The following LCLAT1 variants were observed in gnomAD, a reference collection of about 807,000 sequenced individuals.
LCLAT1 encodes the protein lysocardiolipin acyltransferase 1.
Under a neutral mutation model 30.7 loss-of-function variants are expected in LCLAT1, and 11 were observed. The observed-to-expected ratio is 0.36, with a 90% CI of 0.23 to 0.59. LCLAT1 has a LOEUF of 0.59. Ranked by LOEUF, LCLAT1 falls within the 20% of genes least tolerant of loss-of-function variation. The pLI, the probability that LCLAT1 is intolerant of heterozygous loss-of-function variation, is 0.77. For missense variants in LCLAT1, 402 were observed against 458.6 expected, an observed-to-expected ratio of 0.88 and a Z score of 1.13; for synonymous variants, 155 against 151.3, an observed-to-expected ratio of 1.02 and a Z score of -0.18.
intron 2 of LCLAT1, among the ~76,000 whole-genome samples, chr2:30,527,306 A>G (rs116405968): frequency 0.013 from 2,031 of 152,332 alleles, 45 homozygotes; most frequent in African/African-American, 0.045. Flanking sequence ...TGGATTCAGA[A>G]TTGTATATCT....
In LCLAT1 at chr2:30,642,026, A is replaced by G. The variant is rs1449825721; in HGVS notation, c.*1407A>G. The G allele has an allele frequency of 6.6e-6, 1 of 152,074 alleles. No homozygotes were observed. Among genetic ancestry groups the G allele is most frequent in the Non-Finnish European group, 1.5e-5 (1 of 68,022 alleles). The allele number at this position is 152,074 out of a possible 1,614,324, so 9.4% of individuals were successfully genotyped here. A position where few individuals can be genotyped will look rare whatever the true frequency, so the allele number is the denominator to read the frequency against. On this transcript the variant is annotated 3_prime_UTR_variant, in exon 6 of 6. Transcript: ENST00000379509. ...TTTACTTCTGCATTGAACCAGCCTC[A>G]GAAGCTACTTACTGCTTTATGTACT...
At chr2:30,574,663 C>T (rs1051389101) in intron 5 of LCLAT1, among the ~76,000 whole-genome samples, 3 of 151,172 alleles carry the variant, frequency 2.0e-5, no homozygotes, top group African/African-American at 7.3e-5. Flanking sequence ...GACTGCATGT[C>T]CTTCAGACGA....
chr2:30,522,169 G>A (rs1685508310), intron 1 of LCLAT1, among the ~76,000 whole-genome samples: 1 of 152,110 alleles, frequency 6.6e-6, no homozygotes, highest in South Asian at 2.1e-4. Context: ...TTACGTATAG[G>A]TTTTTGTGTG....
chr2:30,558,172 G>A (rs770779575), intron 3 of LCLAT1, among the ~76,000 whole-genome samples: 9 of 152,172 alleles, frequency 5.9e-5, no homozygotes, highest in Admixed American at 1.3e-4. Context: ...GTATGTGTGT[G>A]TGTCTGTGTT....
At chr2:30,543,450 T>C (rs1238477390) in intron 3 of LCLAT1, among the ~76,000 whole-genome samples, 2 of 152,166 alleles carry the variant, frequency 1.3e-5, no homozygotes, top group East Asian at 1.9e-4. Flanking sequence ...TAAAATGAGA[T>C]GGTCAGTGTT....
intron 5 of LCLAT1, among the ~76,000 whole-genome samples, chr2:30,633,032 AT>A (rs1228752815): frequency 6.6e-6 from 1 of 152,198 alleles, no homozygotes; most frequent in East Asian, 1.9e-4. Context: ...TTTAGTCTAA[AT>A]ATATCTGAAT....
At chr2:30,538,526 T>C (rs1294424184) in intron 3 of LCLAT1, among the ~76,000 whole-genome samples, 2 of 151,914 alleles carry the variant, frequency 1.3e-5, no homozygotes, top group Non-Finnish European at 2.9e-5. Context: ...TCCCAGCTCC[T>C]TGGGAGGCTG....
intron 1 of LCLAT1, among the ~76,000 whole-genome samples, chr2:30,494,419 G>A (rs1683991422): frequency 6.6e-6 from 1 of 152,068 alleles, no homozygotes; most frequent in Non-Finnish European, 1.5e-5. Context: ...AAATCCCTGT[G>A]TTGTCTTTTA....
At chr2:30,475,260 C>T (rs1682990860) in intron 1 of LCLAT1, among the ~76,000 whole-genome samples, 1 of 152,102 alleles carries the variant, frequency 6.6e-6, no homozygotes, top group Admixed American at 6.5e-5. Flanking sequence ...CAGACTCCCA[C>T]AGTTCTGGGA....
chr2:30,495,438 C>CATTATTT (rs1391850040), intron 1 of LCLAT1, among the ~76,000 whole-genome samples: 1 of 151,750 alleles, frequency 6.6e-6, no homozygotes, highest in Non-Finnish European at 1.5e-5. Context: ...AAAATTTTTA[C>CATTATTT]CCCATAAGTA....
chr2:30,607,854 TGTGTGTGTGTGTGTG>T (rs1667529537), intron 5 of LCLAT1: 1 of 2,986 alleles, frequency 3.3e-4, no homozygotes, highest in African/African-American at 2.3e-3. Flanking sequence ...GCTGTGTGTG[TGTGTGTGTGTGTGTG>T]TGTGTGTGTG....
chr2:30,636,881 G>A (rs929710590), intron 5 of LCLAT1, among the ~76,000 whole-genome samples: 58 of 152,320 alleles, frequency 3.8e-4, no homozygotes, highest in African/African-American at 1.4e-3. Flanking sequence ...TGACACTCAC[G>A]TAGAATGACT....
In LCLAT1 at chr2:30,527,846, T is replaced by G. The variant is rs1010513433; in HGVS notation, c.165+2091T>G. On this transcript the variant is annotated intron_variant, in intron 2 of 5. Coordinates refer to ENST00000379509, the MANE Select transcript of LCLAT1 (RefSeq NM_001002257.3). ...TTTAGTTTTAGTTTTAGTTTTGCTTTTATATTAATTTTAGGCTAAACTGGT... is the reference window on the plus strand; with the variant it reads ...TTTAGTTTTAGTTTTAGTTTTGCTTGTATATTAATTTTAGGCTAAACTGGT... Among the ~76,000 whole-genome samples the G allele has an allele frequency of 9.8e-5, 15 of 152,330 alleles. No individual in the cohort carries two copies. In the East Asian group the frequency reaches 1.7e-3, roughly 18 times the overall value.
intron 5 of LCLAT1, among the ~76,000 whole-genome samples, chr2:30,627,584 G>A (rs989335431): frequency 6.6e-6 from 1 of 152,104 alleles, no homozygotes; most frequent in African/African-American, 2.4e-5. Flanking sequence ...TAGCTATTCA[G>A]TTCCTTTATT....
intron 1 of LCLAT1, among the ~76,000 whole-genome samples, chr2:30,505,113 C>T (rs113021869): frequency 5.5e-4 from 83 of 152,218 alleles, no homozygotes; most frequent in African/African-American, 1.2e-3. Flanking sequence ...ATTAATGTTT[C>T]TTCTTTTTCT....
At chr2:30,468,231 G>A (rs1682574469) in intron 1 of LCLAT1, among the ~76,000 whole-genome samples, 1 of 152,140 alleles carries the variant, frequency 6.6e-6, no homozygotes, top group African/African-American at 2.4e-5. Flanking sequence ...GTTTTTGTTA[G>A]GTTTGTCAAA....
chr2:30,494,735 G>T (rs1200209722), intron 1 of LCLAT1, among the ~76,000 whole-genome samples: 1 of 151,278 alleles, frequency 6.6e-6, no homozygotes, highest in Non-Finnish European at 1.5e-5. Flanking sequence ...GGGATGCCAT[G>T]TCTTCTTAAT....
At chr2:30,499,148 T>C (rs1296851005) in intron 1 of LCLAT1, among the ~76,000 whole-genome samples, 1 of 152,126 alleles carries the variant, frequency 6.6e-6, no homozygotes, top group East Asian at 1.9e-4. Context: ...AGGAGTGGGG[T>C]TGGGCTCTGA....
In LCLAT1 at chr2:30,640,337, G is replaced by A; in HGVS notation, c.849G>A (p.Gly283=). ...AGAGGCTGCGTTCCTTCTATCAAGG[G>A]GAGAAGAATTTTTATTTTACCGGAC... ...KEERLRSFYQ[G]EKNFYFTGQS... Residue 283 remains glycine, a synonymous_variant, in exon 6 of 6, where the codon GGG becomes GGA. Transcript: ENST00000379509. 1 of 1,614,176 alleles carries A rather than the reference G, an allele frequency of 6.2e-7. No homozygotes were observed. The highest frequency in any genetic ancestry group is 8.5e-7 in the Non-Finnish European group (1 of 1,180,030).
Sources: allele counts gnomAD v4.1 joint callset (sites outside exome capture counted in the v4.1 genomes callset), GRCh38; gene constraint gnomAD v4.1.1; transcripts MANE v1.5; gene names NCBI Gene and HGNC (gene_info 2026-07-23, HGNC 2026-07-21).